Variants in ZNF345 observed in about 807,000 individuals in gnomAD.
ZNF345 encodes the protein zinc finger protein 345.
For synonymous variants in ZNF345, 166 were observed against 187.9 expected (o/e 0.88, Z 0.95); for missense variants, 527 against 589.9 (o/e 0.89, Z 1.10).
At chr19:36,859,193 C>G (rs1009309291) in intron 2 of ZNF345, among the ~76,000 whole-genome samples, 12 of 151,582 alleles carry the variant, frequency 7.9e-5, no homozygotes, top group Non-Finnish European at 1.6e-4. Context: ...GTTGCTCAGG[C>G]TGGAGTATAG....
At position 36,892,009 on chromosome 19, in the gene ZNF345, A is replaced by C. The variant is rs749124125; in HGVS notation, c.47-809A>C. On this transcript the variant is annotated intron_variant, in intron 3 of 3. Transcript: ENST00000526123. ...TTCATAGGGTTTCTCACCAGTGTGA[A>C]TTCTCTGATGATCATTAAGGTTTGA... 2.5e-6 allele frequency: 4 copies of C among 1,613,764 alleles called. 1 individual carries two copies. In the East Asian group the frequency reaches 8.9e-5, roughly 36 times the overall value.
chr19:36,885,876 C>CT (rs1206920686), intron 3 of ZNF345, among the ~76,000 whole-genome samples: 1 of 152,112 alleles, frequency 6.6e-6, no homozygotes, highest in African/African-American at 2.4e-5. Context: ...AAAGTAAATT[C>CT]TTTCCCCCCA....
chr19:36,878,145 T>C lies in ZNF345; in HGVS notation c.1315T>C (p.Ser439Pro). 2 of 1,614,168 alleles carry C rather than the reference T, an allele frequency of 1.2e-6. No homozygotes were observed. Among genetic ancestry groups the C allele is most frequent in the Non-Finnish European group, 1.7e-6 (2 of 1,180,022 alleles). Residue 439 changes from serine (S) to proline (P), a missense_variant, in exon 3 of 3, where the codon TCA (serine) becomes CCA (proline). Physicochemically the swap from Ser to Pro is moderately conservative, Grantham distance 74. Transcript: ENST00000420450. ...KECGKAFYSG[S>P]SLTQHQRIHT... Reference sequence around the variant, plus strand: ...GTGTGGGAAGGCTTTTTATAGTGGCTCAAGCCTTACTCAGCATCAGAGAAT... The same window carrying C: ...GTGTGGGAAGGCTTTTTATAGTGGCCCAAGCCTTACTCAGCATCAGAGAAT...
At chr19:36,868,975 G>A (rs2072721047) in intron 2 of ZNF345, among the ~76,000 whole-genome samples, 1 of 152,090 alleles carries the variant, frequency 6.6e-6, no homozygotes, top group Non-Finnish European at 1.5e-5. Context: ...GATTATTTTA[G>A]CGAGTATTGC....
chr19:36,870,151 T>A (rs1450775256), intron 2 of ZNF345, among the ~76,000 whole-genome samples: 2 of 152,224 alleles, frequency 1.3e-5, no homozygotes, highest in Non-Finnish European at 2.9e-5. Context: ...CAGTTAAATG[T>A]TTTGTAAATA....
chr19:36,871,981 G>A lies in ZNF345; in HGVS notation c.-46-4804G>A, dbSNP rs569589665. On this transcript the variant is annotated intron_variant, in intron 2 of 2. Coordinates refer to ENST00000420450, the MANE Select transcript of ZNF345 (RefSeq NM_001242472.2). Reference sequence around the variant, plus strand: ...GGGGTTTCTCCATGTTGGTCAGGCTGGTCTCAAATTCCCGACCTCAGGTGA... The same window carrying A: ...GGGGTTTCTCCATGTTGGTCAGGCTAGTCTCAAATTCCCGACCTCAGGTGA... Among the ~76,000 whole-genome samples, 6 of 152,138 alleles carry A rather than the reference G, an allele frequency of 3.9e-5. No homozygotes were observed. The South Asian group carries it at 1.2e-3, about 32-fold the overall frequency.
chr19:36,854,840 CT>C (rs576968260), intron 2 of ZNF345, among the ~76,000 whole-genome samples: 114 of 149,552 alleles, frequency 7.6e-4, no homozygotes, highest in Admixed American at 1.6e-3. Context: ...TATCAGATTT[CT>C]TTTTTTTCTT....
At chr19:36,890,059 C>T (rs1427789512) in intron 3 of ZNF345, 1 of 152,070 alleles carries the variant, frequency 6.6e-6, no homozygotes, top group Non-Finnish European at 1.5e-5. Context: ...GTTTAAATTC[C>T]ATGTATCTGT....
chr19:36,892,929 C>T, exon 4 of ZNF345: 1 of 928,600 alleles, frequency 1.1e-6, no homozygotes, highest in Non-Finnish European at 1.4e-6. Context: ...AGCTGGAGGG[C>T]CATGGAGGAG....
At chr19:36,882,052 T>TTG (rs200937491), downstream of ZNF345, among the ~76,000 whole-genome samples, 43 of 136,342 alleles carry the variant, frequency 3.2e-4, no homozygotes, top group African/African-American at 1.2e-3. Flanking sequence ...ATTTTACTTG[T>TTG]TTTTTTTTTA....
chr19:36,871,156 CTT>C (rs1329337074), intron 2 of ZNF345, among the ~76,000 whole-genome samples: 1 of 152,226 alleles, frequency 6.6e-6, no homozygotes, highest in African/African-American at 2.4e-5. Context: ...CACCTTCTCT[CTT>C]TGTCCTCACA....
At chr19:36,891,133 A>G (rs1395685770) in intron 3 of ZNF345, 1 of 180,964 alleles carries the variant, frequency 5.5e-6, no homozygotes, top group Non-Finnish European at 1.1e-5. Context: ...CACAGCGAGA[A>G]TGCAATGTGA....
At chr19:36,882,597 AATT>A (rs1246276192), downstream of ZNF345, among the ~76,000 whole-genome samples, 1 of 152,068 alleles carries the variant, frequency 6.6e-6, no homozygotes, top group African/African-American at 2.4e-5. Flanking sequence ...ACTTCTAGAT[AATT>A]ATTATTTTAA....
intron 3 of ZNF345, among the ~76,000 whole-genome samples, chr19:36,886,693 A>G (rs969553888): frequency 6.6e-6 from 1 of 152,104 alleles, no homozygotes; most frequent in African/African-American, 2.4e-5. Flanking sequence ...TAAAAATACA[A>G]AAATTAGCTG....
At chr19:36,852,388 G>A (rs1158113040) in intron 2 of ZNF345, among the ~76,000 whole-genome samples, 7 of 151,856 alleles carry the variant, frequency 4.6e-5, no homozygotes, top group African/African-American at 1.5e-4. Context: ...CAAGGCGGGC[G>A]GATCACGAGG....
chr19:36,856,265 C>T (rs1445254424), intron 2 of ZNF345, among the ~76,000 whole-genome samples: 3 of 152,092 alleles, frequency 2.0e-5, no homozygotes, highest in South Asian at 2.1e-4. Flanking sequence ...TGTGACTTTC[C>T]GTTCTCTTAT....
At chr19:36,881,099 A>C (rs1568363091), downstream of ZNF345, among the ~76,000 whole-genome samples, 1 of 152,232 alleles carries the variant, frequency 6.6e-6, no homozygotes, top group Non-Finnish European at 1.5e-5. Context: ...TCATAAATAA[A>C]GGTATATGAA....
At chr19:36,850,513 G>T (rs1182260366), upstream of ZNF345, 1 of 152,252 alleles carries the variant, frequency 6.6e-6, no homozygotes, top group Admixed American at 6.5e-5. Context: ...TTACTAAGAG[G>T]AAGTTAAGTA....
chr19:36,875,802 G>A (rs1695055617), intron 2 of ZNF345, among the ~76,000 whole-genome samples: 1 of 152,114 alleles, frequency 6.6e-6, no homozygotes, highest in African/African-American at 2.4e-5. Context: ...GGGATTTGAG[G>A]TATTCACTCA....
Sources: allele counts gnomAD v4.1 joint callset (sites outside exome capture counted in the v4.1 genomes callset), GRCh38; gene constraint gnomAD v4.1.1; transcripts MANE v1.5; gene names NCBI Gene and HGNC (gene_info 2026-07-23, HGNC 2026-07-21).